ZMAT4: variants seen among roughly 807,000 people sequenced by gnomAD.
ZMAT4 encodes zinc finger matrin-type 4.
Under a neutral mutation model 28.7 loss-of-function variants are expected in ZMAT4, and 17 were observed. The observed-to-expected ratio is 0.59, with a 90% CI of 0.41 to 0.89. ZMAT4 has a LOEUF of 0.89. Among genes scored for constraint, ZMAT4 ranks in the 40% least tolerant of loss-of-function variants. The probability of loss-of-function intolerance (pLI) is 0.00; values close to 1 mark genes in which losing one functional copy is unlikely to be tolerated. For missense variants in ZMAT4, 240 were observed against 283.8 expected (o/e 0.85, Z 1.11); for synonymous variants, 117 against 109.2 (o/e 1.07, Z -0.44).
At chr8:40,835,035 T>C (rs1164344681) in intron 1 of ZMAT4, among the ~76,000 whole-genome samples, 1 of 152,188 alleles carries the variant, frequency 6.6e-6, no homozygotes, top group Admixed American at 6.5e-5. Flanking sequence ...AGCGTGGATG[T>C]TTTTGTAGAA....
At chr8:40,893,274 C>T (rs937348516) in intron 1 of ZMAT4, among the ~76,000 whole-genome samples, 53 of 152,270 alleles carry the variant, frequency 3.5e-4, no homozygotes, top group African/African-American at 1.2e-3. Context: ...CTGCAGGCTC[C>T]GAGAGCTTCC....
chr8:40,698,307 A>T (rs12681768), intron 3 of ZMAT4, among the ~76,000 whole-genome samples: 24,230 of 152,106 alleles, frequency 0.16, 2,812 homozygotes, highest in East Asian at 0.38. Flanking sequence ...AAAAAATAAA[A>T]CCTTGGTCAG....
At chr8:40,739,169 C>T (rs1046642673) in intron 3 of ZMAT4, among the ~76,000 whole-genome samples, 2 of 152,164 alleles carry the variant, frequency 1.3e-5, no homozygotes, top group African/African-American at 4.8e-5. Context: ...TTTGATACAG[C>T]ATTTGAGAAG....
chr8:40,621,434 C>CA (rs1481061751), intron 5 of ZMAT4, among the ~76,000 whole-genome samples: 1 of 152,058 alleles, frequency 6.6e-6, no homozygotes, highest in Non-Finnish European at 1.5e-5. Context: ...CTAATGAGCC[C>CA]AAAATGATCA....
intron 5 of ZMAT4, among the ~76,000 whole-genome samples, chr8:40,603,090 C>T (rs980894225): frequency 5.9e-5 from 9 of 152,036 alleles, no homozygotes; most frequent in African/African-American, 2.2e-4. Context: ...TTTTGTACTA[C>T]TCAAGTACAA....
At chr8:40,880,025 A>T (rs557744601) in intron 1 of ZMAT4, among the ~76,000 whole-genome samples, 3 of 152,176 alleles carry the variant, frequency 2.0e-5, no homozygotes, top group Admixed American at 6.5e-5. Context: ...ATATTTCCCC[A>T]CATTTCTGAT....
At position 40,683,865 on chromosome 8, in the gene ZMAT4, A is replaced by G. The variant is rs1176584050; in HGVS notation, c.350-8934T>C. On this transcript the variant is annotated intron_variant, in intron 4 of 6. Transcript: ENST00000297737. ...GGATCACTAAAGCCCAGGAGTTTGG[A>G]ACCATCCTGGGCAACATGGCAAAAC... Among the ~76,000 whole-genome samples, 9 of 152,162 alleles carry G rather than the reference A, an allele frequency of 5.9e-5. 1 individual carries two copies. Among genetic ancestry groups the G allele is most frequent in the Admixed American group, 5.9e-4 (9 of 15,262 alleles).
chr8:40,865,573 T>A (rs992810164), intron 1 of ZMAT4, among the ~76,000 whole-genome samples: 2 of 152,190 alleles, frequency 1.3e-5, no homozygotes, highest in African/African-American at 4.8e-5. Flanking sequence ...ATCTGTGCCA[T>A]GCTGCACAGC....
intron 5 of ZMAT4, among the ~76,000 whole-genome samples, chr8:40,636,846 C>T (rs771305155): frequency 6.6e-6 from 1 of 152,154 alleles, no homozygotes; most frequent in Non-Finnish European, 1.5e-5. Flanking sequence ...ATTCATGAGA[C>T]ACAATTGCCA....
rs77690012 is a variant in ZMAT4, at chr8:40,843,965, C to G, written c.-4-18285G>C. The stretch of plus-strand genomic sequence containing the variant: ...CCCTCAATTTTATAGGCTATGTACA[C>G]AGTGCACCTAGAAAACGGAGACTCA... On this transcript the variant is annotated intron_variant, in intron 1 of 6. Transcript: ENST00000297737. Among the ~76,000 whole-genome samples the G allele has an allele frequency of 8.4e-3, 1,284 of 152,196 alleles. 28 individuals carry two copies. Among genetic ancestry groups the G allele is most frequent in the African/African-American group, 0.03 (1,243 of 41,522 alleles).
intron 5 of ZMAT4, among the ~76,000 whole-genome samples, chr8:40,597,549 C>T (rs1377859652): frequency 1.3e-5 from 2 of 152,174 alleles, no homozygotes; most frequent in Non-Finnish European, 2.9e-5. Flanking sequence ...AAACCTCAAC[C>T]CCAGGCCCTG....
In ZMAT4 at chr8:40,614,818, T is replaced by C. The variant is rs187826383; in HGVS notation, c.578-33557A>G. Among the ~76,000 whole-genome samples, 1,095 of 152,294 alleles carry C rather than the reference T, an allele frequency of 7.2e-3. 9 individuals are homozygous for C. The highest frequency in any genetic ancestry group is 0.025 in the African/African-American group (1,056 of 41,538). ...TCCCTTTATTTTGAGCCTATGTGTG[T>C]CTCTGCACGTGAGATGGGTTTCCTG... On this transcript the variant is annotated intron_variant, in intron 5 of 6. Transcript: ENST00000297737.
chr8:40,658,345 A>G (rs914514264), intron 5 of ZMAT4, among the ~76,000 whole-genome samples: 6 of 152,168 alleles, frequency 3.9e-5, no homozygotes, highest in East Asian at 1.9e-4. Context: ...GATACATTGT[A>G]TAAACTTTGG....
At chr8:40,748,157 C>A (rs1812315377) in intron 3 of ZMAT4, among the ~76,000 whole-genome samples, 1 of 152,152 alleles carries the variant, frequency 6.6e-6, no homozygotes, top group African/African-American at 2.4e-5. Flanking sequence ...CAGGAATTCA[C>A]AATAAAAATA....
chr8:40,611,667 G>C (rs1805801690), intron 5 of ZMAT4, among the ~76,000 whole-genome samples: 2 of 152,022 alleles, frequency 1.3e-5, no homozygotes, highest in African/African-American at 4.8e-5. Flanking sequence ...TTTATTGTCT[G>C]GTGCATGTAA....
At chr8:40,673,446 G>A (rs1258114215) in intron 5 of ZMAT4, among the ~76,000 whole-genome samples, 1 of 152,096 alleles carries the variant, frequency 6.6e-6, no homozygotes, top group Non-Finnish European at 1.5e-5. Flanking sequence ...TGTTTAAACT[G>A]AGGTTGCCGT....
chr8:40,602,948 A>G (rs1200124225), intron 5 of ZMAT4, among the ~76,000 whole-genome samples: 1 of 151,862 alleles, frequency 6.6e-6, no homozygotes, highest in East Asian at 1.9e-4. Flanking sequence ...TTTTTGTCAC[A>G]TTTGCTTTTG....
chr8:40,698,342 G>C lies in ZMAT4; in HGVS notation c.193-941C>G, dbSNP rs977619702. Among the ~76,000 whole-genome samples the C allele has an allele frequency of 3.3e-5, 5 of 152,088 alleles. No homozygotes were observed. In the East Asian group the frequency reaches 9.6e-4, roughly 29 times the overall value. On this transcript the variant is annotated intron_variant, in intron 3 of 6. Transcript: ENST00000297737. ...GACCATGTGACCTGCTATTGTGCTC[G>C]CAGGTCATCAATTACCTATACTTAT...
rs1290677954 is a variant in ZMAT4 at position 40,599,231 on chromosome 8, A to G, written c.578-17970T>C. ...GTTATAGGCCCCTGGGGAATAAGAA[A>G]TGTCTGATTCATTTATATAGTTCCA... On this transcript the variant is annotated intron_variant, in intron 5 of 6. Coordinates refer to ENST00000297737, the MANE Select transcript of ZMAT4 (RefSeq NM_024645.3). Among the ~76,000 whole-genome samples, 7 of 152,162 alleles carry G rather than the reference A, an allele frequency of 4.6e-5. No individual in the cohort carries two copies. In the East Asian group the frequency reaches 1.4e-3, roughly 29 times the overall value.
Sources: allele counts gnomAD v4.1 joint callset (sites outside exome capture counted in the v4.1 genomes callset), GRCh38; gene constraint gnomAD v4.1.1; transcripts MANE v1.5; gene names NCBI Gene and HGNC (gene_info 2026-07-23, HGNC 2026-07-21).